The following ARHGAP25 variants were observed in gnomAD, a reference collection of about 807,000 sequenced individuals.
ARHGAP25 encodes rho GTPase-activating protein 25.
A neutral mutation model predicts 71.0 loss-of-function variants in ARHGAP25; 34 were observed. The ratio of observed to expected loss-of-function variants is 0.48; its 90% CI spans 0.36 to 0.64. ARHGAP25 has a LOEUF of 0.64. ARHGAP25 is among the 30% of genes least tolerant of loss of function. ARHGAP25 has a pLI of 0.00. For synonymous variants in ARHGAP25, 282 were observed against 296.5 expected, an observed-to-expected ratio of 0.95 and a Z score of 0.50; for missense variants, 706 against 805.1, an observed-to-expected ratio of 0.88 and a Z score of 1.49.
intron 2 of ARHGAP25, among the ~76,000 whole-genome samples, chr2:68,724,683 G>A (rs1453249634): frequency 6.6e-6 from 1 of 152,218 alleles, no homozygotes; most frequent in Non-Finnish European, 1.5e-5. Flanking sequence ...TCCATTTGGA[G>A]ATGTTTACTG....
chr2:68,735,280 G>C lies in ARHGAP25; in HGVS notation c.61+20G>C. On this transcript the variant is annotated intron_variant, in intron 1 of 10. Transcript: ENST00000409202. ...AAATAGGTATGGTTGGTGTCTTTTCGTTGCCTCTGTGATTCTTACGTATAC... is the reference window on the plus strand; with the variant it reads ...AAATAGGTATGGTTGGTGTCTTTTCCTTGCCTCTGTGATTCTTACGTATAC... 1 of 1,611,692 alleles carries C rather than the reference G, an allele frequency of 6.2e-7. No individual in the cohort carries two copies. The highest frequency in any genetic ancestry group is 8.5e-7 in the Non-Finnish European group (1 of 1,177,858).
chr2:68,767,487 T>C lies in ARHGAP25; in HGVS notation c.62-7734T>C, dbSNP rs1222006504. 6.6e-6 allele frequency among the ~76,000 whole-genome samples: 1 copy of C among 152,048 alleles called. No homozygotes were observed. The highest frequency in any genetic ancestry group is 1.5e-5 in the Non-Finnish European group (1 of 68,018). Reference sequence around the variant, plus strand: ...GTGGGCAGGGACGTATGAATCTGTTTATCATTTTCAGGTGGTAGCAATGCC... The same window carrying C: ...GTGGGCAGGGACGTATGAATCTGTTCATCATTTTCAGGTGGTAGCAATGCC... On this transcript the variant is annotated intron_variant, in intron 1 of 10. Transcript: ENST00000409202. This position sits in a 1 kb window ranked among gnomAD's most constrained non-coding sequence, Gnocchi z 4.6.
chr2:68,756,502 T>C (rs1297408676), intron 1 of ARHGAP25, among the ~76,000 whole-genome samples: 2 of 152,202 alleles, frequency 1.3e-5, no homozygotes, highest in South Asian at 4.1e-4. Flanking sequence ...GAGCCAGACA[T>C]TGAAGACTAA....
chr2:68,742,507 A>G (rs1035762702), intron 1 of ARHGAP25, among the ~76,000 whole-genome samples: 1 of 152,196 alleles, frequency 6.6e-6, no homozygotes, highest in Non-Finnish European at 1.5e-5. Context: ...AATGAGTGCA[A>G]TCCTAGTGCT....
At chr2:68,745,257 A>G (rs942773420) in intron 1 of ARHGAP25, among the ~76,000 whole-genome samples, 8 of 152,164 alleles carry the variant, frequency 5.3e-5, no homozygotes, top group Admixed American at 1.3e-4. Context: ...ACTCATAGTC[A>G]TAAATAAACC....
At chr2:68,728,382 G>T (rs1290649806) in intron 2 of ARHGAP25, among the ~76,000 whole-genome samples, 3 of 152,146 alleles carry the variant, frequency 2.0e-5, no homozygotes, top group African/African-American at 7.2e-5. Context: ...TACATTTCTG[G>T]TGGAAATGTA....
chr2:68,807,847 AAC>A (rs1179315181), intron 5 of ARHGAP25, among the ~76,000 whole-genome samples: 4 of 152,152 alleles, frequency 2.6e-5, no homozygotes. Flanking sequence ...GAGCTGTACA[AAC>A]ACTCAGTGTA....
At chr2:68,723,634 G>A (rs1674816381) in intron 2 of ARHGAP25, among the ~76,000 whole-genome samples, 1 of 152,182 alleles carries the variant, frequency 6.6e-6, no homozygotes, top group Non-Finnish European at 1.5e-5. Context: ...TGGGGACTGT[G>A]AGCACCTGCT....
intron 6 of ARHGAP25, among the ~76,000 whole-genome samples, chr2:68,813,833 GAGA>G (rs1449039737): frequency 6.6e-6 from 1 of 152,194 alleles, no homozygotes; most frequent in African/African-American, 2.4e-5. Flanking sequence ...ATGTGCCAGG[GAGA>G]AGAAGGACAG....
upstream of ARHGAP25, among the ~76,000 whole-genome samples, chr2:68,729,907 G>A (rs370275151): frequency 2.3e-4 from 35 of 152,324 alleles, no homozygotes; most frequent in African/African-American, 7.9e-4. Context: ...CCTGAGGGGG[G>A]AAAAGGACTA....
At chr2:68,810,364 C>T (rs528727917) in intron 5 of ARHGAP25, among the ~76,000 whole-genome samples, 5 of 152,162 alleles carry the variant, frequency 3.3e-5, no homozygotes, top group Admixed American at 6.5e-5. Flanking sequence ...AGGGGCTTTT[C>T]ACATGGTCTT....
intron 4 of ARHGAP25, among the ~76,000 whole-genome samples, chr2:68,788,294 G>T (rs1045255784): frequency 6.6e-6 from 1 of 152,166 alleles, no homozygotes; most frequent in African/African-American, 2.4e-5. Context: ...AAAATGAATG[G>T]GTTGGATAAG....
At chr2:68,781,302 A>G (rs1678316469) in intron 2 of ARHGAP25, among the ~76,000 whole-genome samples, 1 of 152,222 alleles carries the variant, frequency 6.6e-6, no homozygotes, top group Non-Finnish European at 1.5e-5. Flanking sequence ...AGACAGGAGA[A>G]TAACTTGAAC....
At chr2:68,740,585 C>T (rs971537921) in intron 1 of ARHGAP25, among the ~76,000 whole-genome samples, 1 of 152,184 alleles carries the variant, frequency 6.6e-6, no homozygotes, top group Non-Finnish European at 1.5e-5. Context: ...ATGTAAACAT[C>T]TTGTCCACGG....
chr2:68,753,022 C>G (rs949603096), intron 1 of ARHGAP25, among the ~76,000 whole-genome samples: 4 of 152,028 alleles, frequency 2.6e-5, no homozygotes, highest in Non-Finnish European at 5.9e-5. Context: ...TCAATCCTCC[C>G]AGTTATGACA....
chr2:68,801,007 G>C (rs973781852), intron 4 of ARHGAP25, among the ~76,000 whole-genome samples: 4 of 152,036 alleles, frequency 2.6e-5, no homozygotes, highest in African/African-American at 9.7e-5. Context: ...TCAGACACTG[G>C]TATAACTCAG....
intron 1 of ARHGAP25, among the ~76,000 whole-genome samples, chr2:68,766,516 C>CAACT (rs1677131010): frequency 6.6e-6 from 1 of 152,148 alleles, no homozygotes; most frequent in South Asian, 2.1e-4. Flanking sequence ...CCACAAGAGG[C>CAACT]AACTGCACTC....
At chr2:68,774,831 C>A (rs1677751794) in intron 1 of ARHGAP25, 1 of 1,149,254 alleles carries the variant, frequency 8.7e-7, no homozygotes. Context: ...ATTATTTTCT[C>A]CTCTCTCTTG....
intron 5 of ARHGAP25, among the ~76,000 whole-genome samples, chr2:68,810,928 G>T (rs1297940954): frequency 1.3e-5 from 2 of 152,018 alleles, no homozygotes; most frequent in African/African-American, 4.8e-5. Context: ...TTTTAGTAGA[G>T]ATGGGGTTTT....
Sources: gnomAD v4.1 joint callset for allele counts (sites outside exome capture counted in the v4.1 genomes callset) on GRCh38, gnomAD v4.1.1 for gene constraint, Gnocchi (gnomAD v3.1) non-coding constraint, MANE v1.5 for transcripts, NCBI Gene and HGNC (gene_info 2026-07-23, HGNC 2026-07-21) for gene names.